PTRH2: variants seen among roughly 807,000 people sequenced by gnomAD.
PTRH2 encodes peptidyl-tRNA hydrolase 2, also known as peptidyl-tRNA hydrolase 2, mitochondrial.
PTRH2 carries 10 observed loss-of-function variants against 12.3 expected under a neutral mutation model. The ratio of observed to expected loss-of-function variants is 0.81; its 90% CI spans 0.50 to 1.38. The LOEUF is 1.38. Among genes scored for constraint, PTRH2 ranks in the 40% most tolerant of loss-of-function variants. The probability of loss-of-function intolerance (pLI) is 0.00; values close to 1 mark genes in which losing one functional copy is unlikely to be tolerated. For synonymous variants in PTRH2, 73 were observed against 77.4 expected (o/e 0.94, Z 0.30); for missense variants, 176 against 214.1 (o/e 0.82, Z 1.11).
chr17:59,705,596 A>G (rs1024082084), intron 1 of PTRH2, among the ~76,000 whole-genome samples: 2 of 152,046 alleles, frequency 1.3e-5, no homozygotes, highest in African/African-American at 4.8e-5. Flanking sequence ...ATTTTTTAAA[A>G]ATTTTTTATT....
intron 1 of PTRH2, chr17:59,698,955 G>A: frequency 1.4e-6 from 1 of 707,124 alleles, no homozygotes; most frequent in Admixed American, 2.1e-5. Flanking sequence ...TGATGGGGAT[G>A]CAACAGGGTC....
At chr17:59,702,100 G>A (rs922080056) in intron 1 of PTRH2, among the ~76,000 whole-genome samples, 1 of 152,074 alleles carries the variant, frequency 6.6e-6, no homozygotes, top group South Asian at 2.1e-4. Context: ...TATCAAAAAT[G>A]AAGAAATTCA....
chr17:59,704,782 G>C (rs575616972), intron 1 of PTRH2, among the ~76,000 whole-genome samples: 1 of 152,080 alleles, frequency 6.6e-6, no homozygotes, highest in East Asian at 1.9e-4. Context: ...AAGAGACAAA[G>C]ACAGAGAATT....
At chr17:59,702,552 C>G (rs2143646989) in intron 1 of PTRH2, among the ~76,000 whole-genome samples, 2 of 152,274 alleles carry the variant, frequency 1.3e-5, no homozygotes, top group Middle Eastern at 6.8e-3. Flanking sequence ...CACAGGGACG[C>G]CTGTTCTAAA....
In PTRH2 at chr17:59,697,967, T is replaced by C. The variant is rs752179594; in HGVS notation, c.12A>G (p.Lys4=). The stretch of plus-strand genomic sequence containing the variant: ...GAGCCAAATATTCCATAACCAAGGA[T>C]TTGGAGGGCATCTTAAAGGAAAGGA... MPS[K]SLVMEYLAHP... Residue 4 remains lysine, a synonymous_variant, in exon 2 of 2, where the codon AAA becomes AAG. Coordinates refer to ENST00000393038, the MANE Select transcript of PTRH2 (RefSeq NM_016077.5). The C allele has an allele frequency of 1.2e-5, 20 of 1,611,544 alleles. No homozygotes were observed. Among genetic ancestry groups the C allele is most frequent in the Non-Finnish European group, 1.6e-5 (19 of 1,179,280 alleles).
chr17:59,706,543 C>T (rs148265397), intron 1 of PTRH2, among the ~76,000 whole-genome samples: 2 of 152,082 alleles, frequency 1.3e-5, no homozygotes, highest in East Asian at 3.9e-4. Context: ...TTCTCTGACC[C>T]TTAAGCCACT....
At chr17:59,700,288 A>G (rs1267081202) in intron 1 of PTRH2, 6 of 152,248 alleles carry the variant, frequency 3.9e-5, no homozygotes, top group East Asian at 1.9e-4. Context: ...TAAGACACTT[A>G]TATCAGTCTA....
intron 1 of PTRH2, among the ~76,000 whole-genome samples, chr17:59,702,619 G>T (rs1187566565): frequency 6.6e-6 from 1 of 152,186 alleles, no homozygotes; most frequent in East Asian, 1.9e-4. Context: ...CATTTCAGAG[G>T]CTGCTATAAT....
intron 1 of PTRH2, among the ~76,000 whole-genome samples, chr17:59,706,670 TC>T (rs1261834175): frequency 9.9e-5 from 7 of 70,624 alleles, no homozygotes; most frequent in African/African-American, 5.0e-4. Context: ...GGAAATTTTT[TC>T]TTTCTTTTTT....
chr17:59,699,024 T>G, intron 1 of PTRH2: 1 of 623,132 alleles, frequency 1.6e-6, no homozygotes, highest in South Asian at 1.9e-5. Context: ...CATTGGGACA[T>G]CAACACTAGT....
chr17:59,706,597 T>C (rs1231830740), intron 1 of PTRH2, among the ~76,000 whole-genome samples: 11 of 152,040 alleles, frequency 7.2e-5, no homozygotes, highest in Non-Finnish European at 1.3e-4. Flanking sequence ...TCTAGTATGG[T>C]GCCTGGGGTA....
intron 1 of PTRH2, among the ~76,000 whole-genome samples, chr17:59,701,848 A>G (rs1479754697): frequency 7.0e-6 from 1 of 143,410 alleles, no homozygotes; most frequent in Non-Finnish European, 1.5e-5. Flanking sequence ...ACCCACCATC[A>G]CACCCGGCTA....
At chr17:59,698,427 T>C (rs746425481) in intron 1 of PTRH2, 5 of 217,608 alleles carry the variant, frequency 2.3e-5, no homozygotes, top group Non-Finnish European at 3.7e-5. Flanking sequence ...GTCACATTAA[T>C]GGGCCTGGAG....
chr17:59,697,913 T>C lies in PTRH2; in HGVS notation c.66A>G (p.Gly22=), dbSNP rs755075133. 2 of 1,613,880 alleles carry C rather than the reference T, an allele frequency of 1.2e-6. No homozygotes were observed. Among genetic ancestry groups the C allele is most frequent in the Non-Finnish European group, 1.7e-6 (2 of 1,180,028 alleles). The change falls in exon 2 of 2, where the codon GGA becomes GGG. Residue 22 remains glycine (G), a synonymous_variant. Coordinates refer to ENST00000393038, the MANE Select transcript of PTRH2 (RefSeq NM_016077.5). The part of the protein sequence containing the change: ...AHPSTLGLAV[G]VACGMCLGWS... The stretch of plus-strand genomic sequence containing the variant: ...AGCCCAGGCACATGCCACAAGCAAC[T>C]CCAACAGCCAAGCCGAGTGTACTGG...
At chr17:59,698,899 G>A in intron 1 of PTRH2, 1 of 716,202 alleles carries the variant, frequency 1.4e-6, no homozygotes, top group Non-Finnish European at 2.6e-6. Flanking sequence ...AAAGCACAGT[G>A]GTCCTGAAAA....
chr17:59,698,119 C>G (rs887550384), intron 1 of PTRH2, 141 bp from the exon 2 acceptor site: 11 of 821,510 alleles, frequency 1.3e-5, no homozygotes, highest in Non-Finnish European at 2.0e-5. Flanking sequence ...TATGCCTGCA[C>G]CCTGTTTCCA....
At chr17:59,704,914 C>A (rs529709743) in intron 1 of PTRH2, among the ~76,000 whole-genome samples, 1 of 152,032 alleles carries the variant, frequency 6.6e-6, no homozygotes, top group African/African-American at 2.4e-5. Flanking sequence ...CAGCCTCCCA[C>A]GTACATGGGA....
intron 1 of PTRH2, among the ~76,000 whole-genome samples, chr17:59,703,817 C>CT (rs1053309031): frequency 6.8e-6 from 1 of 147,576 alleles, no homozygotes; most frequent in African/African-American, 2.5e-5. Context: ...AGCCCTTGTT[C>CT]TTTTTTTTGG....
At chr17:59,704,812 G>A (rs973296494) in intron 1 of PTRH2, among the ~76,000 whole-genome samples, 19 of 151,520 alleles carry the variant, frequency 1.3e-4, no homozygotes, top group Admixed American at 5.2e-4. Context: ...TTCTTAAGAC[G>A]GCATCTCACT....
Sources: gnomAD v4.1 joint callset for allele counts (sites outside exome capture counted in the v4.1 genomes callset) on GRCh38, gnomAD v4.1.1 for gene constraint, MANE v1.5 for transcripts, NCBI Gene and HGNC (gene_info 2026-07-23, HGNC 2026-07-21) for gene names.